Variants in UBE2E2 observed in about 807,000 individuals in gnomAD.
The protein encoded by UBE2E2 is ubiquitin-conjugating enzyme E2 E2.
In UBE2E2, 6 loss-of-function variants were observed where a neutral mutation model predicts 24.7. The ratio of observed to expected loss-of-function variants is 0.24; its 90% confidence interval spans 0.13 to 0.48. UBE2E2 has a LOEUF of 0.48. UBE2E2 is among the 20% of genes least tolerant of loss of function. The pLI, the probability that UBE2E2 is intolerant of heterozygous loss-of-function variation, is 0.99. For missense variants in UBE2E2, 169 were observed against 245.0 expected (o/e 0.69, Z 2.07); for synonymous variants, 104 against 83.6 (o/e 1.24, Z -1.33).
intron 3 of UBE2E2, among the ~76,000 whole-genome samples, chr3:23,277,227 T>G (rs1698392627): frequency 6.6e-6 from 1 of 152,092 alleles, no homozygotes; most frequent in Non-Finnish European, 1.5e-5. Context: ...CTAAAAAAAA[T>G]TAAAAGTGTT....
chr3:23,214,624 G>A (rs1288170675), intron 2 of UBE2E2, among the ~76,000 whole-genome samples: 1 of 151,258 alleles, frequency 6.6e-6, no homozygotes, highest in African/African-American at 2.4e-5. Flanking sequence ...AAAGCAAGAT[G>A]TGTTGTTTGA....
chr3:23,585,768 C>G (rs1026044470), intron 5 of UBE2E2, among the ~76,000 whole-genome samples: 1 of 151,748 alleles, frequency 6.6e-6, no homozygotes, highest in Non-Finnish European at 1.5e-5. Context: ...TAGTAACAAT[C>G]TAGAAACCCA....
At chr3:23,262,576 A>T (rs925281676) in intron 3 of UBE2E2, among the ~76,000 whole-genome samples, 1 of 151,048 alleles carries the variant, frequency 6.6e-6, no homozygotes, top group Non-Finnish European at 1.5e-5. Flanking sequence ...CACCATGTTC[A>T]GTGTAGGCCA....
At chr3:23,278,663 A>G (rs1698420769) in intron 3 of UBE2E2, among the ~76,000 whole-genome samples, 1 of 152,166 alleles carries the variant, frequency 6.6e-6, no homozygotes, top group Non-Finnish European at 1.5e-5. Context: ...AATTAAATGT[A>G]TGCTTCCTAA....
chr3:23,384,856 TAA>T (rs1696767445), intron 3 of UBE2E2, among the ~76,000 whole-genome samples: 1 of 152,248 alleles, frequency 6.6e-6, no homozygotes, highest in South Asian at 2.1e-4. Flanking sequence ...ATGTAATTTT[TAA>T]AACCAGACTC....
intron 3 of UBE2E2, among the ~76,000 whole-genome samples, chr3:23,308,641 G>A (rs919764280): frequency 2.0e-5 from 3 of 152,172 alleles, no homozygotes; most frequent in East Asian, 3.9e-4. Flanking sequence ...GTTTTGGATC[G>A]CTTACAAGAT....
At chr3:23,421,442 G>A (rs4858078) in intron 3 of UBE2E2, among the ~76,000 whole-genome samples, 19 of 152,208 alleles carry the variant, frequency 1.2e-4, no homozygotes, top group Non-Finnish European at 2.4e-4. Flanking sequence ...ATGAAATCAT[G>A]TCTGTTGCAG....
intron 3 of UBE2E2, among the ~76,000 whole-genome samples, chr3:23,315,634 G>A (rs1694552650): frequency 6.6e-6 from 1 of 152,032 alleles, no homozygotes; most frequent in South Asian, 2.1e-4. Context: ...CATTTGGTGA[G>A]GTCATGTTTT....
intron 5 of UBE2E2, among the ~76,000 whole-genome samples, chr3:23,538,849 A>G (rs1695324462): frequency 6.6e-6 from 1 of 152,204 alleles, no homozygotes; most frequent in East Asian, 1.9e-4. Flanking sequence ...AAATGATATT[A>G]AAAGGATTAT....
intron 3 of UBE2E2, among the ~76,000 whole-genome samples, chr3:23,443,262 T>C (rs867983576): frequency 2.6e-5 from 4 of 152,278 alleles, no homozygotes; most frequent in Middle Eastern, 6.8e-3. Context: ...ATTAGATCTG[T>C]CTTAGCTCAG....
At chr3:23,261,705 T>G (rs1412452705) in intron 3 of UBE2E2, among the ~76,000 whole-genome samples, 1 of 152,210 alleles carries the variant, frequency 6.6e-6, no homozygotes. Context: ...CATTCGTAAG[T>G]GAAATCATAC....
chr3:23,269,488 T>C (rs1575520178), intron 3 of UBE2E2, among the ~76,000 whole-genome samples: 1 of 152,156 alleles, frequency 6.6e-6, no homozygotes, highest in East Asian at 1.9e-4. Context: ...TGGACTGTGT[T>C]AGCTGGGAAG....
chr3:23,289,460 T>G (rs1465233283), intron 3 of UBE2E2, among the ~76,000 whole-genome samples: 2 of 152,314 alleles, frequency 1.3e-5, no homozygotes, highest in Admixed American at 1.3e-4. Context: ...GAGAAAACTT[T>G]TCTAAGCAAA....
rs990197353 is a variant in UBE2E2 at position 23,480,468 on chromosome 3, C to T, written c.228-19140C>T. Among the ~76,000 whole-genome samples, 9 of 152,254 alleles carry T rather than the reference C, an allele frequency of 5.9e-5. No homozygotes were observed. The East Asian group carries it at 7.7e-4, about 13-fold the overall frequency. The stretch of plus-strand genomic sequence containing the variant: ...GCCTAGCAGCACAGGGCTCCTGCCC[C>T]GCCAGCTTAGTAGAGGGTGGGGCTC... On this transcript the variant is annotated intron_variant, in intron 3 of 5. Coordinates refer to ENST00000396703, the MANE Select transcript of UBE2E2 (RefSeq NM_152653.4).
At chr3:23,487,519 G>A (rs904291147) in intron 3 of UBE2E2, among the ~76,000 whole-genome samples, 2 of 152,172 alleles carry the variant, frequency 1.3e-5, no homozygotes, top group South Asian at 2.1e-4. Flanking sequence ...TGGCCAATCC[G>A]GTTGCGCTAC....
chr3:23,488,304 C>G (rs1699423001), intron 3 of UBE2E2, among the ~76,000 whole-genome samples: 2 of 151,648 alleles, frequency 1.3e-5, no homozygotes, highest in Non-Finnish European at 2.9e-5. Flanking sequence ...TTTGCTGCAC[C>G]CATCAACCTG....
chr3:23,514,091 TGC>T (rs1694673157), intron 4 of UBE2E2, among the ~76,000 whole-genome samples: 1 of 152,234 alleles, frequency 6.6e-6, no homozygotes, highest in South Asian at 2.1e-4. Context: ...CCTCATCACA[TGC>T]AGGCCCTCCT....
At chr3:23,318,690 T>C (rs1175887561) in intron 3 of UBE2E2, among the ~76,000 whole-genome samples, 1 of 152,130 alleles carries the variant, frequency 6.6e-6, no homozygotes, top group Non-Finnish European at 1.5e-5. Context: ...TACCACTTAT[T>C]CACTACCACG....
At chr3:23,283,866 C>T (rs973295389) in intron 3 of UBE2E2, among the ~76,000 whole-genome samples, 2 of 151,832 alleles carry the variant, frequency 1.3e-5, no homozygotes, top group Non-Finnish European at 1.5e-5. Flanking sequence ...AAAGAAACTT[C>T]GGGGTGGGGC....
Sources: gnomAD v4.1 joint callset for allele counts (sites outside exome capture counted in the v4.1 genomes callset) on GRCh38, gnomAD v4.1.1 for gene constraint, MANE v1.5 for transcripts, NCBI Gene and HGNC (gene_info 2026-07-23, HGNC 2026-07-21) for gene names.